The following KCNQ3 variants were observed in gnomAD, a reference collection of about 807,000 sequenced individuals.
KCNQ3 encodes the protein potassium voltage-gated channel subfamily KQT member 3.
Under a neutral mutation model 92.5 loss-of-function variants are expected in KCNQ3, and 30 were observed. That is an observed-to-expected ratio of 0.32 (90% confidence interval 0.24 to 0.44). The LOEUF (loss-of-function observed/expected upper bound fraction) is 0.44. Ranked by LOEUF, KCNQ3 falls within the 20% of genes least tolerant of loss-of-function variation. The pLI, the probability that KCNQ3 is intolerant of heterozygous loss-of-function variation, is 1.00. For synonymous variants in KCNQ3, 450 were observed against 468.8 expected (o/e 0.96, Z 0.52); for missense variants, 913 against 1,140.3 (o/e 0.80, Z 2.87).
At chr8:132,445,493 A>G (rs1222117240) in intron 1 of KCNQ3, among the ~76,000 whole-genome samples, 1 of 142,788 alleles carries the variant, frequency 7.0e-6, no homozygotes, top group African/African-American at 2.5e-5. Flanking sequence ...AGGGAAATCA[A>G]GTGAATGAAT....
chr8:132,422,625 C>T (rs1169466924), intron 1 of KCNQ3, among the ~76,000 whole-genome samples: 1 of 152,170 alleles, frequency 6.6e-6, no homozygotes, highest in Non-Finnish European at 1.5e-5. Flanking sequence ...CAGCTGCACC[C>T]GCCCCCAGCA....
At chr8:132,314,493 A>C (rs1488524903) in intron 1 of KCNQ3, among the ~76,000 whole-genome samples, 1 of 152,248 alleles carries the variant, frequency 6.6e-6, no homozygotes, top group East Asian at 1.9e-4. Flanking sequence ...GAATATATCA[A>C]AAGTTCAGAA....
chr8:132,405,764 A>G (rs2130790107), intron 1 of KCNQ3, among the ~76,000 whole-genome samples: 1 of 152,360 alleles, frequency 6.6e-6, no homozygotes, highest in Middle Eastern at 3.4e-3. Context: ...TGCAGTAAAC[A>G]CTGCAGATTT....
At chr8:132,294,093 C>T (rs1215475162) in intron 1 of KCNQ3, among the ~76,000 whole-genome samples, 4 of 150,836 alleles carry the variant, frequency 2.7e-5, no homozygotes, top group African/African-American at 9.7e-5. Flanking sequence ...CTCCGCCTCC[C>T]GGGTTCACGC....
chr8:132,140,232 G>A (rs546146493), intron 10 of KCNQ3, 54 bp from the exon 11 acceptor site: 41 of 1,329,648 alleles, frequency 3.1e-5, no homozygotes, highest in Non-Finnish European at 4.3e-5. Context: ...AAAAGGCTTG[G>A]GGACCCCACT....
chr8:132,307,236 C>G (rs1422113394), intron 1 of KCNQ3, among the ~76,000 whole-genome samples: 1 of 152,186 alleles, frequency 6.6e-6, no homozygotes, highest in Non-Finnish European at 1.5e-5. Flanking sequence ...GACCTGTGTT[C>G]CACAGTGACA....
chr8:132,161,783 T>C (rs1825999517), intron 9 of KCNQ3, among the ~76,000 whole-genome samples: 1 of 152,222 alleles, frequency 6.6e-6, no homozygotes, highest in African/African-American at 2.4e-5. Flanking sequence ...AATGCACACA[T>C]ACATTCCTGA....
chr8:132,171,726 A>G (rs1308852584), intron 7 of KCNQ3, among the ~76,000 whole-genome samples: 2 of 152,092 alleles, frequency 1.3e-5, no homozygotes, highest in African/African-American at 2.4e-5. Flanking sequence ...CTTGTAGCTG[A>G]TTGGCTAAGT....
At chr8:132,183,519 G>A (rs1826861984) in intron 3 of KCNQ3, among the ~76,000 whole-genome samples, 1 of 145,288 alleles carries the variant, frequency 6.9e-6, no homozygotes, top group African/African-American at 2.4e-5. Flanking sequence ...CCTTCCCATG[G>A]ATTTGAAGCT....
intron 1 of KCNQ3, among the ~76,000 whole-genome samples, 177 bp downstream of exon 1, chr8:132,479,970 A>ACC (rs1822507550): frequency 6.6e-6 from 1 of 151,426 alleles, no homozygotes; most frequent in East Asian, 2.0e-4. Flanking sequence ...ACACACACAC[A>ACC]CACACACACA....
intron 1 of KCNQ3, among the ~76,000 whole-genome samples, chr8:132,213,820 T>C (rs557019512): frequency 6.6e-6 from 1 of 152,364 alleles, no homozygotes; most frequent in Admixed American, 6.5e-5. Flanking sequence ...TAATGGGAAC[T>C]GAGCAAATCA....
intron 1 of KCNQ3, among the ~76,000 whole-genome samples, chr8:132,346,414 C>T (rs529382215): frequency 1.1e-4 from 17 of 152,248 alleles, no homozygotes; most frequent in Non-Finnish European, 2.1e-4. Context: ...CCTAGAGAGG[C>T]GGAGGCGGGA....
intron 9 of KCNQ3, among the ~76,000 whole-genome samples, chr8:132,146,214 C>T (rs143301226): frequency 7.2e-5 from 11 of 152,294 alleles, no homozygotes; most frequent in Non-Finnish European, 1.5e-4. Context: ...TTCACAACAG[C>T]CAAAAGGTGG....
chr8:132,203,816 T>C (rs1827535226), intron 1 of KCNQ3, among the ~76,000 whole-genome samples: 2 of 152,324 alleles, frequency 1.3e-5, no homozygotes, highest in Middle Eastern at 6.8e-3. Flanking sequence ...TAGTGCTTGA[T>C]AGATTTCAGG....
intron 9 of KCNQ3, among the ~76,000 whole-genome samples, chr8:132,158,886 A>G (rs892967030): frequency 6.6e-6 from 1 of 152,178 alleles, no homozygotes; most frequent in Non-Finnish European, 1.5e-5. Context: ...CATAATCATC[A>G]CATAGGAAAT....
chr8:132,244,725 GA>G (rs1010308452), intron 1 of KCNQ3, among the ~76,000 whole-genome samples: 1 of 152,126 alleles, frequency 6.6e-6, no homozygotes, highest in Non-Finnish European at 1.5e-5. Flanking sequence ...CAGCTGCACA[GA>G]AATGAGCTGA....
At chr8:132,293,985 T>G (rs1351497277) in intron 1 of KCNQ3, among the ~76,000 whole-genome samples, 2 of 147,182 alleles carry the variant, frequency 1.4e-5, no homozygotes, top group African/African-American at 5.1e-5. Flanking sequence ...ACTAAGGGTT[T>G]TTTGTGTGTG....
At chr8:132,307,178 A>G (rs759162121) in intron 1 of KCNQ3, among the ~76,000 whole-genome samples, 9 of 152,238 alleles carry the variant, frequency 5.9e-5, no homozygotes, top group Non-Finnish European at 1.3e-4. Flanking sequence ...AATCTGGGCC[A>G]AAAGTAGCTT....
chr8:132,192,899 G>A (rs887307860), intron 1 of KCNQ3, among the ~76,000 whole-genome samples: 4 of 152,112 alleles, frequency 2.6e-5, no homozygotes, highest in Admixed American at 2.0e-4. Context: ...CACCTGACTC[G>A]GCCTTGGAAA....
Sources: allele counts gnomAD v4.1 joint callset (sites outside exome capture counted in the v4.1 genomes callset), GRCh38; gene constraint gnomAD v4.1.1; transcripts MANE v1.5; gene names NCBI Gene and HGNC (gene_info 2026-07-23, HGNC 2026-07-21).